The following ATP10B variants were observed in gnomAD, a reference collection of about 807,000 sequenced individuals.
ATP10B encodes ATPase phospholipid transporting 10B (putative).
Under a neutral mutation model 141.2 loss-of-function variants are expected in ATP10B, and 122 were observed. The observed-to-expected ratio is 0.86, with a 90% CI of 0.75 to 1.00. The LOEUF (loss-of-function observed/expected upper bound fraction) is 1.00. ATP10B is among the 50% of genes least tolerant of loss of function. The probability of loss-of-function intolerance (pLI) is 0.00; values close to 1 mark genes in which losing one functional copy is unlikely to be tolerated. For synonymous variants in ATP10B, 685 were observed against 692.0 expected, an observed-to-expected ratio of 0.99 and a Z score of 0.16; for missense variants, 1,876 against 1,825.3, an observed-to-expected ratio of 1.03 and a Z score of -0.51.
chr5:160,630,233 G>A (rs6556507), intron 13 of ATP10B, among the ~76,000 whole-genome samples: 118,538 of 152,160 alleles, frequency 0.78, 46,774 homozygotes, highest in Middle Eastern at 0.85. Context: ...AATGAACTTA[G>A]TCAGAACTTG....
intron 18 of ATP10B, among the ~76,000 whole-genome samples, chr5:160,607,626 G>A (rs1176113494): frequency 6.6e-6 from 1 of 152,152 alleles, no homozygotes; most frequent in Non-Finnish European, 1.5e-5. Flanking sequence ...AAAATACATT[G>A]TACCTGTGTT....
At chr5:160,802,085 G>C (rs562511163) in intron 1 of ATP10B, among the ~76,000 whole-genome samples, 1 of 152,170 alleles carries the variant, frequency 6.6e-6, no homozygotes, top group Admixed American at 6.5e-5. Context: ...ACGTTGAAGG[G>C]ATTTCTGCGA....
At chr5:160,875,995 G>GACAGATCAATGAGACAGATCAATGAGACA in the ATP10B span, among the ~76,000 whole-genome samples, 1 of 60,184 alleles carries the variant, frequency 1.7e-5, no homozygotes. Flanking sequence ...AAGTCAACAA[G>GACAGATCAATGAGACAGATCAATGAGACA]GATATCCAGG....
chr5:160,617,834 T>A, intron 16 of ATP10B, 30 bp downstream of exon 16: 1 of 1,573,616 alleles, frequency 6.4e-7, no homozygotes, highest in African/African-American at 1.3e-5. Context: ...TTAATGATAT[T>A]CAAAGCACGC....
chr5:160,770,180 C>A (rs1043895144), intron 2 of ATP10B, among the ~76,000 whole-genome samples: 1 of 151,736 alleles, frequency 6.6e-6, no homozygotes, highest in Non-Finnish European at 1.5e-5. Flanking sequence ...CTCTCTCTGT[C>A]CCTCTCTATC....
chr5:160,701,757 G>A (rs1020234438), intron 3 of ATP10B, among the ~76,000 whole-genome samples: 6 of 151,766 alleles, frequency 4.0e-5, no homozygotes, highest in African/African-American at 1.5e-4. Context: ...TGCCTCCTGG[G>A]AGAAGTCACC....
chr5:160,807,376 T>C (rs1481973274), intron 1 of ATP10B, among the ~76,000 whole-genome samples: 1 of 152,158 alleles, frequency 6.6e-6, no homozygotes, highest in Non-Finnish European at 1.5e-5. Context: ...AAATGGACTT[T>C]TTAAGTTAGA....
intron 1 of ATP10B, among the ~76,000 whole-genome samples, chr5:160,824,832 T>A (rs1475562410): frequency 6.6e-6 from 1 of 152,168 alleles, no homozygotes; most frequent in Non-Finnish European, 1.5e-5. Context: ...CAATTGCATG[T>A]GAGAAGGCAC....
intron 1 of ATP10B, among the ~76,000 whole-genome samples, chr5:160,817,121 C>T (rs576342232): frequency 4.2e-4 from 64 of 152,310 alleles, no homozygotes; most frequent in African/African-American, 1.5e-3. Context: ...CTCACCACTC[C>T]TATTCAACAT....
At chr5:160,855,185 G>A (rs950542076), upstream of ATP10B, among the ~76,000 whole-genome samples, 10 of 152,012 alleles carry the variant, frequency 6.6e-5, no homozygotes, top group East Asian at 3.9e-4. Context: ...GTATTTGCAC[G>A]TTTAGTATTT....
chr5:160,677,911 C>A (rs989216713), intron 6 of ATP10B, among the ~76,000 whole-genome samples: 3 of 152,156 alleles, frequency 2.0e-5, no homozygotes, highest in Non-Finnish European at 4.4e-5. Context: ...TACCAAATTG[C>A]AGCTTTATTA....
chr5:160,918,189 G>A, the ATP10B span, among the ~76,000 whole-genome samples: 1 of 152,218 alleles, frequency 6.6e-6, no homozygotes, highest in Admixed American at 6.5e-5. Context: ...AGGGAAAGTG[G>A]AGATAGAGCA....
chr5:160,793,351 G>T (rs1301140189), intron 1 of ATP10B, among the ~76,000 whole-genome samples: 1 of 152,086 alleles, frequency 6.6e-6, no homozygotes, highest in East Asian at 1.9e-4. Context: ...CAATCGAATA[G>T]CACTTAATTA....
At chr5:160,887,147 C>G in the ATP10B span, among the ~76,000 whole-genome samples, 1 of 152,198 alleles carries the variant, frequency 6.6e-6, no homozygotes, top group Admixed American at 6.5e-5. Flanking sequence ...CAGCTGTCCT[C>G]CAGTATCTGT....
chr5:160,849,312 C>T (rs1753649509), intron 1 of ATP10B, among the ~76,000 whole-genome samples: 1 of 152,096 alleles, frequency 6.6e-6, no homozygotes, highest in African/African-American at 2.4e-5. Flanking sequence ...ATTGATACTG[C>T]ACCATACCAG....
At chr5:160,715,909 C>A (rs948119715) in intron 3 of ATP10B, among the ~76,000 whole-genome samples, 1 of 151,964 alleles carries the variant, frequency 6.6e-6, no homozygotes, top group Non-Finnish European at 1.5e-5. Context: ...TGGGGTTTCA[C>A]CATCTTGGCC....
At chr5:160,742,875 T>C (rs1767574655) in intron 2 of ATP10B, among the ~76,000 whole-genome samples, 1 of 152,216 alleles carries the variant, frequency 6.6e-6, no homozygotes, top group African/African-American at 2.4e-5. Flanking sequence ...TTAATTGCTT[T>C]TTGAAATTAT....
intron 2 of ATP10B, among the ~76,000 whole-genome samples, chr5:160,782,486 C>T (rs985811381): frequency 6.6e-6 from 1 of 150,394 alleles, no homozygotes; most frequent in East Asian, 1.9e-4. Flanking sequence ...CACACTCACT[C>T]ACTTTAGGAG....
At chr5:160,731,887 A>C (rs1489649315) in intron 2 of ATP10B, among the ~76,000 whole-genome samples, 1 of 152,218 alleles carries the variant, frequency 6.6e-6, no homozygotes, top group Non-Finnish European at 1.5e-5. Context: ...AATCAAGTTA[A>C]GTGCCTGCTA....
Sources: allele counts gnomAD v4.1 joint callset (sites outside exome capture counted in the v4.1 genomes callset), GRCh38; gene constraint gnomAD v4.1.1; transcripts MANE v1.5; gene names NCBI Gene and HGNC (gene_info 2026-07-23, HGNC 2026-07-21).